Variants in PTPRM observed in about 807,000 individuals in gnomAD.
The protein encoded by PTPRM is receptor-type tyrosine-protein phosphatase mu.
Under a neutral mutation model 186.7 loss-of-function variants are expected in PTPRM, and 47 were observed. The ratio of observed to expected loss-of-function variants is 0.25; its 90% CI spans 0.20 to 0.32. PTPRM has a LOEUF of 0.32. Among genes scored for constraint, PTPRM ranks in the 10% least tolerant of loss-of-function variants. The probability of loss-of-function intolerance (pLI) is 1.00; values close to 1 mark genes in which losing one functional copy is unlikely to be tolerated. For missense variants in PTPRM, 1,494 were observed against 1,865.0 expected (o/e 0.80, Z 3.66); for synonymous variants, 668 against 674.9 (o/e 0.99, Z 0.16).
intron 2 of PTPRM, among the ~76,000 whole-genome samples, chr18:7,801,464 C>T (rs1205016659): frequency 6.6e-6 from 1 of 152,126 alleles, no homozygotes; most frequent in Non-Finnish European, 1.5e-5. Flanking sequence ...GCTGTCATCT[C>T]CTAGGATAAC....
intron 25 of PTPRM, 121 bp from the exon 26 acceptor site, chr18:8,376,341 G>A: frequency 4.5e-6 from 7 of 1,545,144 alleles, no homozygotes; most frequent in Non-Finnish European, 6.2e-6. Flanking sequence ...TGCCACTGGA[G>A]TGTACCTTTT....
intron 14 of PTPRM, among the ~76,000 whole-genome samples, chr18:8,209,965 G>A (rs1162846422): frequency 7.9e-6 from 1 of 126,254 alleles, no homozygotes; most frequent in African/African-American, 3.0e-5. Context: ...TTCTGCACAT[G>A]TATCCCGGAA....
intron 23 of PTPRM, among the ~76,000 whole-genome samples, chr18:8,367,279 A>G (rs2095635981): frequency 6.6e-6 from 1 of 152,196 alleles, no homozygotes; most frequent in African/African-American, 2.4e-5. Flanking sequence ...GGAGGACCGG[A>G]TTCGAAATGC....
intron 23 of PTPRM, among the ~76,000 whole-genome samples, chr18:8,369,550 G>A (rs1307551080): frequency 6.6e-6 from 1 of 152,250 alleles, no homozygotes; most frequent in Non-Finnish European, 1.5e-5. Flanking sequence ...AGTCACATAG[G>A]AAGTCAGGAA....
At chr18:8,181,486 C>G (rs1030467886) in intron 14 of PTPRM, among the ~76,000 whole-genome samples, 2 of 152,136 alleles carry the variant, frequency 1.3e-5, no homozygotes, top group East Asian at 3.9e-4. Flanking sequence ...TGGAAGTAGA[C>G]GAGCTATCCA....
intron 1 of PTPRM, among the ~76,000 whole-genome samples, chr18:7,700,385 G>A (rs111640234): frequency 0.023 from 3,470 of 151,786 alleles, 61 homozygotes; most frequent in South Asian, 0.047. Context: ...ACATTCAGTA[G>A]CCAGGAAAGG....
At chr18:8,119,332 A>G (rs546296949) in intron 13 of PTPRM, among the ~76,000 whole-genome samples, 1 of 152,300 alleles carries the variant, frequency 6.6e-6, no homozygotes, top group Admixed American at 6.5e-5. Context: ...TCAATGAAAT[A>G]CCATCCTTTG....
intron 2 of PTPRM, among the ~76,000 whole-genome samples, chr18:7,803,770 T>G (rs917945960): frequency 1.3e-5 from 2 of 152,114 alleles, no homozygotes; most frequent in Non-Finnish European, 2.9e-5. Context: ...TAGATTTGAG[T>G]TATTGAAAAC....
chr18:8,385,833 G>A (rs115487714), intron 30 of PTPRM, among the ~76,000 whole-genome samples: 79 of 152,316 alleles, frequency 5.2e-4, no homozygotes, highest in Middle Eastern at 3.4e-3. Flanking sequence ...GGAGGAGAGA[G>A]GCATCAGGAG....
chr18:8,285,865 A>G (rs1192478319), intron 19 of PTPRM, among the ~76,000 whole-genome samples: 1 of 152,030 alleles, frequency 6.6e-6, no homozygotes, highest in South Asian at 2.1e-4. Context: ...GGTTGTGTGT[A>G]CCTGTAGTCC....
At chr18:8,043,925 T>C (rs576445181) in intron 7 of PTPRM, among the ~76,000 whole-genome samples, 1 of 152,176 alleles carries the variant, frequency 6.6e-6, no homozygotes, top group Non-Finnish European at 1.5e-5. Context: ...GTTTGTTAGC[T>C]AGTGCTTATA....
intron 5 of PTPRM, among the ~76,000 whole-genome samples, chr18:7,942,645 G>A (rs562060632): frequency 1.3e-5 from 2 of 152,108 alleles, no homozygotes; most frequent in East Asian, 3.9e-4. Flanking sequence ...CTGCTTGGTG[G>A]GGGGGCGGGG....
intron 14 of PTPRM, among the ~76,000 whole-genome samples, chr18:8,188,784 G>A (rs549418202): frequency 5.9e-4 from 90 of 152,162 alleles, no homozygotes; most frequent in Non-Finnish European, 1.1e-3. Flanking sequence ...TGGGGGTGGG[G>A]GAGTTATGTT....
At chr18:7,864,961 T>C (rs2047602034) in intron 2 of PTPRM, among the ~76,000 whole-genome samples, 1 of 152,196 alleles carries the variant, frequency 6.6e-6, no homozygotes, top group African/African-American at 2.4e-5. Context: ...TTGTAGCAAT[T>C]GTGAATGGGA....
At chr18:8,055,105 T>C (rs2087826092) in intron 7 of PTPRM, among the ~76,000 whole-genome samples, 1 of 152,182 alleles carries the variant, frequency 6.6e-6, no homozygotes, top group Non-Finnish European at 1.5e-5. Flanking sequence ...TATGTCTAAA[T>C]GTGGAATTTA....
chr18:7,866,204 G>A (rs765454410), intron 2 of PTPRM, among the ~76,000 whole-genome samples: 2 of 151,904 alleles, frequency 1.3e-5, no homozygotes, highest in East Asian at 1.9e-4. Context: ...TGCTCTGATC[G>A]TAGTTATTTC....
chr18:8,351,320 C>A (rs1185184139), intron 23 of PTPRM, among the ~76,000 whole-genome samples: 1 of 152,214 alleles, frequency 6.6e-6, no homozygotes, highest in Non-Finnish European at 1.5e-5. Flanking sequence ...GGCCTTGGCT[C>A]TTCCCATGCC....
At chr18:7,700,807 A>G (rs181345539) in intron 1 of PTPRM, among the ~76,000 whole-genome samples, 59 of 151,740 alleles carry the variant, frequency 3.9e-4, no homozygotes, top group Non-Finnish European at 6.6e-4. Context: ...CCTAGGCAAT[A>G]TGGCGAAACC....
At chr18:8,023,870 A>ACACACACGCG (rs71354588) in intron 7 of PTPRM, among the ~76,000 whole-genome samples, 10 of 149,382 alleles carry the variant, frequency 6.7e-5, no homozygotes, top group East Asian at 3.9e-4. Context: ...ACACACACAC[A>ACACACACGCG]CGCACACCCC....
Sources: gnomAD v4.1 joint callset for allele counts (sites outside exome capture counted in the v4.1 genomes callset) on GRCh38, gnomAD v4.1.1 for gene constraint, MANE v1.5 for transcripts, NCBI Gene and HGNC (gene_info 2026-07-23, HGNC 2026-07-21) for gene names.